The following NEDD4 variants were observed in gnomAD, a reference collection of about 807,000 sequenced individuals.
The protein encoded by NEDD4 is NEDD4 E3 ubiquitin protein ligase.
Under a neutral mutation model 144.9 loss-of-function variants are expected in NEDD4, and 99 were observed. The observed-to-expected ratio is 0.68, with a 90% CI of 0.58 to 0.81. The LOEUF is 0.81. Ranked by LOEUF, NEDD4 falls within the 30% of genes least tolerant of loss-of-function variation. NEDD4 has a pLI of 0.00. For missense variants in NEDD4, 985 were observed against 1,065.9 expected (o/e 0.92, Z 1.06); for synonymous variants, 318 against 350.6 (o/e 0.91, Z 1.04).
At chr15:55,855,806 G>A (rs1361751191) in intron 12 of NEDD4, among the ~76,000 whole-genome samples, 1 of 152,228 alleles carries the variant, frequency 6.6e-6, no homozygotes, top group East Asian at 1.9e-4. Flanking sequence ...CCATGTGCAT[G>A]TGCAGAACAT....
At chr15:55,975,233 C>T (rs1257151115) in intron 1 of NEDD4, among the ~76,000 whole-genome samples, 1 of 151,758 alleles carries the variant, frequency 6.6e-6, no homozygotes, top group Non-Finnish European at 1.5e-5. Flanking sequence ...TACTGGAAGT[C>T]CTAGCTAGAG....
chr15:55,916,075 T>G, intron 5 of NEDD4: 1 of 1,614,038 alleles, frequency 6.2e-7, no homozygotes, highest in Non-Finnish European at 8.5e-7. Context: ...GTGTTCCTGC[T>G]CACTGGCAAT....
At position 55,924,982 on chromosome 15, in the gene NEDD4, C is replaced by T. The variant is rs544796773; in HGVS notation, c.238-283G>A. The stretch of plus-strand genomic sequence containing the variant: ...ACTTGGGATGCTGAGGCAGGAAAAT[C>T]GCTTCAACCTGGGAGGTGGTGACTG... On this transcript the variant is annotated intron_variant, in intron 4 of 28. Transcript: ENST00000435532. Among the ~76,000 whole-genome samples the T allele has an allele frequency of 6.8e-4, 104 of 152,288 alleles. 2 individuals carry two copies. In the South Asian group the frequency reaches 0.011, roughly 16 times the overall value.
At chr15:55,841,851 A>G (rs774168189) in intron 19 of NEDD4, 83 bp downstream of exon 19, 50 of 1,150,032 alleles carry the variant, frequency 4.3e-5, no homozygotes, top group Non-Finnish European at 5.7e-5. Flanking sequence ...GATTACAGGC[A>G]TGAGCCACTG....
chr15:55,916,547 C>A, intron 5 of NEDD4: 2 of 1,614,076 alleles, frequency 1.2e-6, no homozygotes, highest in Non-Finnish European at 1.7e-6. Flanking sequence ...ATCCACTGTA[C>A]CTTGTTGGCT....
At chr15:55,837,398 C>G (rs1452722032) in intron 24 of NEDD4, among the ~76,000 whole-genome samples, 2 of 149,270 alleles carry the variant, frequency 1.3e-5, no homozygotes, top group Non-Finnish European at 3.0e-5. Context: ...CCACTGCATT[C>G]CAGCCTGGGC....
In NEDD4 at chr15:55,993,578, G is replaced by A; in HGVS notation, c.-23C>T. 2.5e-6 allele frequency: 4 copies of A among 1,590,106 alleles called. No individual in the cohort carries two copies. In the East Asian group the frequency reaches 9.6e-5, roughly 38 times the overall value. On this transcript the variant is annotated 5_prime_UTR_variant, in exon 1 of 29. Coordinates refer to ENST00000435532, the MANE Select transcript of NEDD4 (RefSeq NM_006154.4). The stretch of plus-strand genomic sequence containing the variant: ...CATTTCCGAACGCTTCCAGCAAACC[G>A]GACGCGCTCGCCCCCGCCCAGGGCA...
At position 55,827,695 on chromosome 15, in the gene NEDD4, G is replaced by A. The variant is rs190490769; in HGVS notation, c.*2202C>T. 2.3e-4 allele frequency: 35 copies of A among 152,248 alleles called. No homozygotes were observed. The East Asian group carries it at 6.4e-3, about 28-fold the overall frequency. 9.4% of individuals were successfully genotyped at this position (152,248 alleles called of 1,614,324 possible). ...TGAAGAAAATGAATTATGATGGTAA[G>A]ATCCATATACAGATATACACATGTG... On this transcript the variant is annotated 3_prime_UTR_variant, in exon 29 of 29. Transcript: ENST00000435532.
At chr15:55,945,163 T>C (rs560186651) in intron 4 of NEDD4, among the ~76,000 whole-genome samples, 1 of 152,058 alleles carries the variant, frequency 6.6e-6, no homozygotes, top group Non-Finnish European at 1.5e-5. Flanking sequence ...GAGAATGACT[T>C]TGATGAGTTG....
intron 5 of NEDD4, among the ~76,000 whole-genome samples, chr15:55,907,335 G>A (rs950121021): frequency 5.9e-5 from 9 of 152,000 alleles, no homozygotes; most frequent in Admixed American, 6.6e-5. Context: ...CTTTTAAAAT[G>A]GGCACATGTT....
intron 5 of NEDD4, among the ~76,000 whole-genome samples, chr15:55,888,269 TAC>T (rs1159068707): frequency 2.0e-5 from 3 of 152,158 alleles, no homozygotes; most frequent in Non-Finnish European, 2.9e-5. Context: ...TTAGAACTGA[TAC>T]ATTCAGTAAA....
Position 55,828,734 on chromosome 15 carries a change from T to C in NEDD4, c.*1163A>G, listed in dbSNP as rs2032804520. 1 of 152,682 alleles carries C rather than the reference T, an allele frequency of 6.5e-6. No homozygotes were observed. The highest frequency in any genetic ancestry group is 1.5e-5 in the Non-Finnish European group (1 of 68,044). The allele number at this position is 152,682 out of a possible 1,614,324, so 9.5% of individuals were successfully genotyped here. A position where few individuals can be genotyped will look rare whatever the true frequency, so the allele number is the denominator to read the frequency against. ...AAGATATGAACTGTAGCATTTTGCC[T>C]ACAGAATTCTGGATTTGTAATTAAA... is the stretch of plus-strand genomic sequence containing the variant. On this transcript the variant is annotated 3_prime_UTR_variant, in exon 29 of 29. Coordinates refer to ENST00000435532, the MANE Select transcript of NEDD4 (RefSeq NM_006154.4).
intron 11 of NEDD4, among the ~76,000 whole-genome samples, chr15:55,856,862 T>A (rs2034217144): frequency 6.6e-6 from 1 of 152,230 alleles, no homozygotes; most frequent in Non-Finnish European, 1.5e-5. Context: ...AGTTTTGTTA[T>A]TTAATGACAT....
chr15:55,880,325 T>G (rs1448723330), intron 5 of NEDD4, among the ~76,000 whole-genome samples: 3 of 151,766 alleles, frequency 2.0e-5, no homozygotes, highest in African/African-American at 7.3e-5. Flanking sequence ...CACTGAATAT[T>G]AGGCAAAGTG....
rs370767610 is a variant in NEDD4 at position 55,850,770 on chromosome 15, A to G, written c.1147-28T>C. The G allele has an allele frequency of 4.2e-4, 664 of 1,591,014 alleles. 1 individual carries two copies. The highest frequency in any genetic ancestry group is 5.4e-4 in the Non-Finnish European group (633 of 1,169,946). On this transcript the variant is annotated intron_variant, in intron 13 of 28. Coordinates refer to ENST00000435532, the MANE Select transcript of NEDD4 (RefSeq NM_006154.4). Reference sequence around the variant, plus strand: ...AGCACATTAATGAAATCATATTGTAATATTTTATAGAGAGAACTCACAAAT... The same window carrying G: ...AGCACATTAATGAAATCATATTGTAGTATTTTATAGAGAGAACTCACAAAT...
At chr15:55,895,313 T>C (rs1315296019) in intron 5 of NEDD4, among the ~76,000 whole-genome samples, 3 of 152,254 alleles carry the variant, frequency 2.0e-5, no homozygotes, top group African/African-American at 7.2e-5. Context: ...GAATTATCTC[T>C]GCAGTTTAAA....
rs1307068292 is a variant in NEDD4 at position 55,969,453 on chromosome 15, C to T, written c.46-2907G>A. Among the ~76,000 whole-genome samples, 7 of 152,162 alleles carry T rather than the reference C, an allele frequency of 4.6e-5. No individual in the cohort carries two copies. In the South Asian group the frequency reaches 1.0e-3, roughly 23 times the overall value. On this transcript the variant is annotated intron_variant, in intron 1 of 28. Transcript: ENST00000435532. ...GCACATGAACCAGTGAGACACCAGA[C>T]GGGGCGGCCAAGGGTGTGCTTGTGT...
chr15:55,829,353 A>G lies in NEDD4; in HGVS notation c.*544T>C, dbSNP rs2032835300. 6.6e-6 allele frequency: 1 copy of G among 152,498 alleles called. No individual in the cohort carries two copies. Among genetic ancestry groups the G allele is most frequent in the Non-Finnish European group, 1.5e-5 (1 of 68,076 alleles). 9.4% of individuals were successfully genotyped at this position (152,498 alleles called of 1,614,324 possible). A position where few individuals can be genotyped will look rare whatever the true frequency, so the allele number is the denominator to read the frequency against. ...GTTTTTTCCCAAAAATCTAGGCAGT[A>G]AGGTGCATAAGGCAGGTCTACAAAA... On this transcript the variant is annotated 3_prime_UTR_variant, in exon 29 of 29. Coordinates refer to ENST00000435532, the MANE Select transcript of NEDD4 (RefSeq NM_006154.4).
In NEDD4 at chr15:55,829,809, C is replaced by G. The variant is rs2032857430; in HGVS notation, c.*88G>C. 6 of 885,572 alleles carry G rather than the reference C, an allele frequency of 6.8e-6. No homozygotes were observed. In the South Asian group the frequency reaches 1.0e-4, roughly 15 times the overall value. The allele number at this position is 885,572 out of a possible 1,614,324, so 54.9% of individuals were successfully genotyped here. ...AAGATCTGGGAAGACTCAGTGGCCA[C>G]ATTTTAGTAGTTCCCCGGAAAATTT... On this transcript the variant is annotated 3_prime_UTR_variant, in exon 29 of 29. Transcript: ENST00000435532.
Sources: gnomAD v4.1 joint callset for allele counts (sites outside exome capture counted in the v4.1 genomes callset) on GRCh38, gnomAD v4.1.1 for gene constraint, MANE v1.5 for transcripts, NCBI Gene and HGNC (gene_info 2026-07-23, HGNC 2026-07-21) for gene names.